Variants in OLFM3 observed in about 807,000 individuals in gnomAD.
OLFM3 encodes the protein noelin-3.
OLFM3 carries 20 observed loss-of-function variants against 48.6 expected under a neutral mutation model. That is an observed-to-expected ratio of 0.41 (90% CI 0.29 to 0.60). OLFM3 has a LOEUF of 0.60. Ranked by LOEUF, OLFM3 falls within the 20% of genes least tolerant of loss-of-function variation. OLFM3 has a pLI of 0.28. For missense variants in OLFM3, 437 were observed against 544.3 expected, an observed-to-expected ratio of 0.80 and a Z score of 1.96; for synonymous variants, 222 against 198.1, an observed-to-expected ratio of 1.12 and a Z score of -1.01.
chr1:101,975,013 T>C (rs1660912175), intron 1 of OLFM3, among the ~76,000 whole-genome samples: 1 of 152,204 alleles, frequency 6.6e-6, no homozygotes, highest in African/African-American at 2.4e-5. Context: ...ATTACGACTT[T>C]AATTCAACAA....
chr1:101,814,514 T>G (rs979218353), intron 4 of OLFM3, among the ~76,000 whole-genome samples: 9 of 152,188 alleles, frequency 5.9e-5, no homozygotes, highest in Admixed American at 5.9e-4. Flanking sequence ...AAGGAAGACC[T>G]CTCAGTGTGT....
At chr1:101,864,046 T>G (rs760445759) in intron 1 of OLFM3, among the ~76,000 whole-genome samples, 41 of 152,164 alleles carry the variant, frequency 2.7e-4, no homozygotes, top group Non-Finnish European at 2.5e-4. Context: ...TCTCTTCTGC[T>G]TCAGGGCTTT....
intron 1 of OLFM3, among the ~76,000 whole-genome samples, chr1:101,970,872 C>T (rs1249112184): frequency 2.0e-5 from 3 of 152,074 alleles, no homozygotes; most frequent in Non-Finnish European, 2.9e-5. Flanking sequence ...TGAGGGATAG[C>T]GCGTACATAA....
intron 1 of OLFM3, chr1:101,860,049 A>G (rs1237440836): frequency 1.3e-5 from 2 of 152,094 alleles, no homozygotes; most frequent in East Asian, 3.8e-4. Flanking sequence ...TGTGGAATTA[A>G]GTGAAGTGCT....
chr1:101,804,542 G>A lies in OLFM3; in HGVS notation c.1073C>T (p.Thr358Ile), dbSNP rs1241341808. Reference protein sequence around the residue: ...NIVISQLNQDTLEVMKSWSTG... With the variant: ...NIVISQLNQDILEVMKSWSTG... ...GCTCCAGCTCTTCATCACCTCCAAG[G>A]TATCTTGGTTAAGTTGGCTGATGAC... The change falls in exon 6 of 6, where the codon ACC becomes ATC. Residue 358 changes from threonine (T) to isoleucine (I), a missense_variant. Around this residue, in one of 3 missense-constraint regions of OLFM3, gnomAD observed 108 missense variants for 135.8 expected, o/e 0.80. Transcript: ENST00000370103. The surrounding 1 kb of genome is among the most constrained non-coding windows in gnomAD (Gnocchi z 4.5). 2 of 1,612,652 alleles carry A rather than the reference G, an allele frequency of 1.2e-6. No homozygotes were observed. The highest frequency in any genetic ancestry group is 1.7e-5 in the Admixed American group (1 of 59,832).
chr1:101,920,246 T>G (rs904392312), intron 1 of OLFM3, among the ~76,000 whole-genome samples: 8 of 152,188 alleles, frequency 5.3e-5, no homozygotes, highest in African/African-American at 1.9e-4. Flanking sequence ...CTTATACAAT[T>G]TTCCTGACTC....
In OLFM3 at chr1:101,830,001, AT is replaced by A. The variant is rs555843018; in HGVS notation, c.372+670del. Among the ~76,000 whole-genome samples, 8 of 148,324 alleles carry A rather than the reference AT, an allele frequency of 5.4e-5. No individual in the cohort carries two copies. In the East Asian group the frequency reaches 5.9e-4, roughly 11 times the overall value. On this transcript the variant is annotated intron_variant, in intron 3 of 5. Transcript: ENST00000370103. The stretch of plus-strand genomic sequence containing the variant: ...AGGCGCCCACCACCACACCCGGCTA[AT>A]TTTTTTTTTGTATTTTTAGTAGAGA...
chr1:101,936,545 A>G (rs1241785354), intron 1 of OLFM3, among the ~76,000 whole-genome samples: 3 of 152,230 alleles, frequency 2.0e-5, no homozygotes, highest in Non-Finnish European at 2.9e-5. Flanking sequence ...ACCTGTTTAC[A>G]GATTCAATGC....
At chr1:101,857,173 CT>C (rs1458449603) in intron 1 of OLFM3, among the ~76,000 whole-genome samples, 1 of 151,866 alleles carries the variant, frequency 6.6e-6, no homozygotes, top group African/African-American at 2.4e-5. Context: ...TTTCATCTCT[CT>C]TTTCATTAAT....
chr1:101,925,737 C>A (rs1659252130), intron 1 of OLFM3, among the ~76,000 whole-genome samples: 1 of 151,648 alleles, frequency 6.6e-6, no homozygotes, highest in South Asian at 2.1e-4. Flanking sequence ...GTATGAGTGC[C>A]CAGGCTGGTC....
chr1:101,872,435 A>G (rs1657117327), intron 1 of OLFM3, among the ~76,000 whole-genome samples: 1 of 152,002 alleles, frequency 6.6e-6, no homozygotes, highest in African/African-American at 2.4e-5. Context: ...TGGATAGGAG[A>G]AAATTAAGAG....
At chr1:101,832,725 ATAAG>A (rs1655222204) in intron 2 of OLFM3, among the ~76,000 whole-genome samples, 1 of 152,226 alleles carries the variant, frequency 6.6e-6, no homozygotes, top group African/African-American at 2.4e-5. Context: ...AATAGTAATA[ATAAG>A]TATTTAGAAT....
At chr1:101,854,668 C>CA (rs1656347904) in intron 1 of OLFM3, among the ~76,000 whole-genome samples, 1 of 151,978 alleles carries the variant, frequency 6.6e-6, no homozygotes, top group Non-Finnish European at 1.5e-5. Context: ...TTAGGTTCTT[C>CA]AAATAGGAAA....
chr1:101,873,125 A>C (rs940553370), intron 1 of OLFM3, among the ~76,000 whole-genome samples: 1 of 151,982 alleles, frequency 6.6e-6, no homozygotes, highest in Non-Finnish European at 1.5e-5. Flanking sequence ...CTTAATATGA[A>C]TAAACATGAA....
At chr1:101,901,075 T>C (rs868143232) in intron 1 of OLFM3, among the ~76,000 whole-genome samples, 1 of 152,098 alleles carries the variant, frequency 6.6e-6, no homozygotes, top group African/African-American at 2.4e-5. Flanking sequence ...GCCTACTATA[T>C]GGTATGAGAG....
chr1:101,908,126 GT>G (rs1008119031), intron 1 of OLFM3, among the ~76,000 whole-genome samples: 3 of 152,092 alleles, frequency 2.0e-5, no homozygotes, highest in African/African-American at 7.2e-5. Context: ...CCATAATTTC[GT>G]TTAATGATAG....
At chr1:101,893,244 G>A (rs528369964) in intron 1 of OLFM3, 40 of 298,558 alleles carry the variant, frequency 1.3e-4, no homozygotes, top group Non-Finnish European at 2.4e-4. Context: ...TGAAGACAGA[G>A]GTGGGGAAAA....
rs565324239 is a variant in OLFM3 at position 101,880,685 on chromosome 1, T to C, written c.70-43660A>G. On this transcript the variant is annotated intron_variant, in intron 1 of 5. Transcript: ENST00000370103. ...TGAAATATTAAGGTCTTGCCAAGCT[T>C]CTGATGATTCAAACCTGTACTACTG... Among the ~76,000 whole-genome samples, 4 of 151,916 alleles carry C rather than the reference T, an allele frequency of 2.6e-5. No homozygotes were observed. In the South Asian group the frequency reaches 8.3e-4, roughly 31 times the overall value.
chr1:101,824,109 T>C (rs558523536), intron 4 of OLFM3, among the ~76,000 whole-genome samples: 109 of 152,092 alleles, frequency 7.2e-4, no homozygotes, highest in Non-Finnish European at 1.3e-3. Context: ...ATCTTTTGTG[T>C]GTGTGTGTGT....
Sources: gnomAD v4.1 joint callset for allele counts (sites outside exome capture counted in the v4.1 genomes callset) on GRCh38, gnomAD v4.1.1 for gene constraint, gnomAD v4.1.1 regional missense constraint, Gnocchi (gnomAD v3.1) non-coding constraint, MANE v1.5 for transcripts, NCBI Gene and HGNC (gene_info 2026-07-23, HGNC 2026-07-21) for gene names.